Variants in GRID2 observed in about 807,000 individuals in gnomAD.
GRID2 encodes glutamate ionotropic receptor delta type subunit 2.
Under a neutral mutation model 114.8 loss-of-function variants are expected in GRID2, and 33 were observed. The observed-to-expected ratio is 0.29, with a 90% CI of 0.22 to 0.38. The LOEUF (loss-of-function observed/expected upper bound fraction) is 0.38, where lower values mean the gene tolerates loss of function less well. Among genes scored for constraint, GRID2 ranks in the 10% least tolerant of loss-of-function variants. The pLI is 1.00. For synonymous variants in GRID2, 505 were observed against 449.9 expected, an observed-to-expected ratio of 1.12 and a Z score of -1.55; for missense variants, 1,184 against 1,257.7, an observed-to-expected ratio of 0.94 and a Z score of 0.89.
intron 2 of GRID2, among the ~76,000 whole-genome samples, chr4:92,895,405 A>ATATATATATATATATC (rs1560677408): frequency 6.8e-6 from 1 of 146,064 alleles, no homozygotes; most frequent in Non-Finnish European, 1.5e-5. Context: ...ATATATATAT[A>ATATATATATATATATC]AACTGAAAGA....
At chr4:92,486,776 T>C (rs1056786165) in intron 1 of GRID2, among the ~76,000 whole-genome samples, 3 of 151,924 alleles carry the variant, frequency 2.0e-5, no homozygotes, top group African/African-American at 4.8e-5. Context: ...AGGATATGAA[T>C]AGACATTTCT....
At chr4:93,118,568 T>C (rs1196200650) in intron 4 of GRID2, among the ~76,000 whole-genome samples, 1 of 152,216 alleles carries the variant, frequency 6.6e-6, no homozygotes, top group African/African-American at 2.4e-5. Flanking sequence ...CCTCCAGCTA[T>C]GTTCTGCACC....
intron 8 of GRID2, among the ~76,000 whole-genome samples, chr4:93,391,000 A>C (rs890122970): frequency 1.3e-4 from 20 of 152,078 alleles, no homozygotes; most frequent in South Asian, 8.3e-4. Flanking sequence ...TTTTTTTCTG[A>C]CTTTTCAAAG....
At chr4:93,591,320 G>T (rs957439031) in intron 13 of GRID2, among the ~76,000 whole-genome samples, 5 of 151,768 alleles carry the variant, frequency 3.3e-5, no homozygotes, top group African/African-American at 9.7e-5. Flanking sequence ...TAATCATGTG[G>T]TTTTTGTCTT....
Position 93,016,104 on chromosome 4 carries a change from T to A in GRID2, c.245-68891T>A, listed in dbSNP as rs555784768. Among the ~76,000 whole-genome samples the A allele has an allele frequency of 2.0e-5, 3 of 151,524 alleles. No individual in the cohort carries two copies. The South Asian group carries it at 6.2e-4, about 32-fold the overall frequency. On this transcript the variant is annotated intron_variant, in intron 2 of 15. Transcript: ENST00000282020. ...GTGTGTTTAAATGTTTACCTTTATG[T>A]GTGTTTGGAAGATGAGAGGCTTGAG... is the stretch of plus-strand genomic sequence containing the variant.
intron 2 of GRID2, among the ~76,000 whole-genome samples, chr4:92,651,522 C>A (rs1731933296): frequency 6.6e-6 from 1 of 152,046 alleles, no homozygotes; most frequent in Non-Finnish European, 1.5e-5. Context: ...TATTAAAATT[C>A]TCCACTAGCT....
chr4:93,370,613 T>C (rs1277104987), intron 8 of GRID2, among the ~76,000 whole-genome samples: 1 of 152,194 alleles, frequency 6.6e-6, no homozygotes, highest in Non-Finnish European at 1.5e-5. Context: ...CAGAGTGTTC[T>C]TCCCTCTTTT....
intron 4 of GRID2, among the ~76,000 whole-genome samples, chr4:93,161,241 A>C (rs4441725): frequency 0.4 from 61,109 of 151,714 alleles, 12,659 homozygotes; most frequent in Middle Eastern, 0.6. Flanking sequence ...CTTTTATTTA[A>C]GCCCTAGCAG....
chr4:92,358,428 G>T (rs1174901364), intron 1 of GRID2, among the ~76,000 whole-genome samples: 1 of 151,800 alleles, frequency 6.6e-6, no homozygotes, highest in Non-Finnish European at 1.5e-5. Context: ...GGCAGTGGAT[G>T]AACTCACTTG....
At chr4:93,016,420 G>T (rs1034707472) in intron 2 of GRID2, among the ~76,000 whole-genome samples, 3 of 152,046 alleles carry the variant, frequency 2.0e-5, no homozygotes, top group Non-Finnish European at 4.4e-5. Context: ...GTTGCTTTGA[G>T]GTAGCTAGTA....
chr4:92,867,814 T>G (rs1229257893), intron 2 of GRID2, among the ~76,000 whole-genome samples: 1 of 152,168 alleles, frequency 6.6e-6, no homozygotes, highest in Non-Finnish European at 1.5e-5. Flanking sequence ...GCTATTCAAA[T>G]GTGTTTGGAA....
intron 11 of GRID2, among the ~76,000 whole-genome samples, chr4:93,489,017 C>T (rs1181295047): frequency 6.6e-6 from 1 of 151,974 alleles, no homozygotes; most frequent in Non-Finnish European, 1.5e-5. Context: ...TAACACAGCA[C>T]ATATTCATTC....
At chr4:92,340,804 T>C (rs1335076851) in intron 1 of GRID2, among the ~76,000 whole-genome samples, 1 of 152,220 alleles carries the variant, frequency 6.6e-6, no homozygotes, top group Non-Finnish European at 1.5e-5. Context: ...CTGTGGCTTA[T>C]TGGTCTTGTT....
intron 2 of GRID2, among the ~76,000 whole-genome samples, chr4:93,003,020 CA>C (rs1721165777): frequency 6.6e-6 from 1 of 151,854 alleles, no homozygotes; most frequent in Non-Finnish European, 1.5e-5. Context: ...CTTATTAGAA[CA>C]CTTGTGATTA....
intron 8 of GRID2, among the ~76,000 whole-genome samples, chr4:93,310,920 GGT>G (rs1755944062): frequency 6.6e-6 from 1 of 152,116 alleles, no homozygotes; most frequent in East Asian, 1.9e-4. Context: ...TCTGTGTATA[GGT>G]TTACTGGAAC....
intron 1 of GRID2, among the ~76,000 whole-genome samples, chr4:92,384,171 G>T (rs1729757271): frequency 6.6e-6 from 1 of 150,704 alleles, no homozygotes; most frequent in Non-Finnish European, 1.5e-5. Flanking sequence ...GTGTGAAGTG[G>T]CTGTCAAGTT....
At chr4:92,515,748 C>A (rs750143714) in intron 1 of GRID2, among the ~76,000 whole-genome samples, 1 of 151,842 alleles carries the variant, frequency 6.6e-6, no homozygotes, top group Non-Finnish European at 1.5e-5. Flanking sequence ...AACGGTTGAG[C>A]TTTGTTTTAA....
chr4:93,725,770 A>G (rs1416154752), intron 14 of GRID2, among the ~76,000 whole-genome samples: 1 of 152,146 alleles, frequency 6.6e-6, no homozygotes, highest in Admixed American at 6.5e-5. Flanking sequence ...TTTTGACTGC[A>G]TAAATGTCTT....
At chr4:93,032,729 A>G (rs977389358) in intron 2 of GRID2, among the ~76,000 whole-genome samples, 2 of 152,182 alleles carry the variant, frequency 1.3e-5, no homozygotes, top group African/African-American at 2.4e-5. Context: ...GAAGAAAACA[A>G]TTATCATATT....
Sources: allele counts gnomAD v4.1 joint callset (sites outside exome capture counted in the v4.1 genomes callset), GRCh38; gene constraint gnomAD v4.1.1; transcripts MANE v1.5; gene names NCBI Gene and HGNC (gene_info 2026-07-23, HGNC 2026-07-21).